The following CYP4Z1 variants were observed in gnomAD, a reference collection of about 807,000 sequenced individuals.
The protein encoded by CYP4Z1 is cytochrome P450 4Z1.
In CYP4Z1, 41 loss-of-function variants were observed where a neutral mutation model predicts 54.2. The ratio of observed to expected loss-of-function variants is 0.76; its 90% CI spans 0.59 to 0.98. The LOEUF is 0.98. CYP4Z1 is among the 50% of genes least tolerant of loss of function. The pLI, the probability that CYP4Z1 is intolerant of heterozygous loss-of-function variation, is 0.00. For missense variants in CYP4Z1, 513 were observed against 599.0 expected (o/e 0.86, Z 1.50); for synonymous variants, 163 against 206.2 (o/e 0.79, Z 1.79).
chr1:47,059,930 G>A, the CYP4Z1 span, among the ~76,000 whole-genome samples: 2 of 152,108 alleles, frequency 1.3e-5, no homozygotes, highest in African/African-American at 4.8e-5. Context: ...ATTATGTGAA[G>A]TCCAGGGCAC....
chr1:47,103,893 G>C (rs574814436), intron 8 of CYP4Z1, among the ~76,000 whole-genome samples: 1 of 118,982 alleles, frequency 8.4e-6, no homozygotes, highest in East Asian at 2.6e-3. Context: ...ACCACACCCA[G>C]CCTCAATATT....
intron 9 of CYP4Z1, 47 bp downstream of exon 9, chr1:47,106,308 T>A (rs747957580): frequency 2.1e-5 from 34 of 1,582,866 alleles, no homozygotes; most frequent in Non-Finnish European, 2.7e-5. Flanking sequence ...CTGTGCTGGA[T>A]TGAAATGTCT....
At chr1:47,099,058 C>G in intron 7 of CYP4Z1, 36 bp from the exon 8 acceptor site, 4 of 1,608,944 alleles carry the variant, frequency 2.5e-6, no homozygotes, top group Non-Finnish European at 3.4e-6. Context: ...CAATCCATAG[C>G]CAGCTTTGGA....
intron 11 of CYP4Z1, 54 bp from the exon 12 acceptor site, chr1:47,117,712 G>A: frequency 6.4e-7 from 1 of 1,550,458 alleles, no homozygotes; most frequent in Non-Finnish European, 8.7e-7. Flanking sequence ...GGCGTATGTT[G>A]TTAATAATAT....
chr1:47,085,047 G>C (rs1644582756), intron 6 of CYP4Z1, 69 bp downstream of exon 6: 1 of 630,332 alleles, frequency 1.6e-6, no homozygotes, highest in African/African-American at 1.9e-5. Context: ...ATTGACTCTG[G>C]TTATGGCTGC....
intron 8 of CYP4Z1, among the ~76,000 whole-genome samples, chr1:47,099,747 A>G (rs1429301960): frequency 1.3e-5 from 2 of 152,162 alleles, no homozygotes; most frequent in East Asian, 3.9e-4. Context: ...CCACCCCACA[A>G]TGATGATTAA....
At position 47,117,778 on chromosome 1, in the gene CYP4Z1, GC is replaced by G; in HGVS notation, c.1363del (p.Gln455SerfsTer5). The G allele has an allele frequency of 6.2e-7, 1 of 1,612,872 alleles. No individual in the cohort carries two copies. The highest frequency in any genetic ancestry group is 8.5e-7 in the Non-Finnish European group (1 of 1,179,438). On this transcript the variant is annotated frameshift_variant, in exon 12 of 12. Transcript: ENST00000334194. LOFTEE classifies it low-confidence loss of function (END_TRUNC). ...TTGGTATCCCCAGGAACTGCATTGG[GC>G]AGCATTTTGCCATAATTGAGTGTAA... The part of the protein sequence containing the change: ...FSAGLRNCIG[Q>X]HFAIIECKVA...
At chr1:47,065,189 GAT>G (rs1557618455), upstream of CYP4Z1, among the ~76,000 whole-genome samples, 1 of 152,084 alleles carries the variant, frequency 6.6e-6, no homozygotes, top group Non-Finnish European at 1.5e-5. Flanking sequence ...GGACTTAACA[GAT>G]ATTAACGAAC....
chr1:47,064,123 C>T (rs921626385), upstream of CYP4Z1, among the ~76,000 whole-genome samples: 1 of 140,232 alleles, frequency 7.1e-6, no homozygotes, highest in Non-Finnish European at 1.5e-5. Context: ...CACTCTGTTG[C>T]CCACACTGGA....
chr1:47,086,320 AG>A (rs1007074744), intron 6 of CYP4Z1, among the ~76,000 whole-genome samples: 1 of 152,190 alleles, frequency 6.6e-6, no homozygotes, highest in Non-Finnish European at 1.5e-5. Flanking sequence ...ACAGTGTAAA[AG>A]TGTTCCTATT....
chr1:47,066,133 C>A (rs1456944749), upstream of CYP4Z1, among the ~76,000 whole-genome samples: 1 of 151,996 alleles, frequency 6.6e-6, no homozygotes, highest in Non-Finnish European at 1.5e-5. Flanking sequence ...ATTCTATAGA[C>A]ACTATTCCAC....
At position 47,068,777 on chromosome 1, in the gene CYP4Z1, G is replaced by A. The variant is rs1311230543; in HGVS notation, c.319+14G>A. Reference sequence around the variant, plus strand: ...TGAAAAGACAAGGTAAAAACCAAGAGGGGCTCACAGTACAGAGCAGCAACA... The same window carrying A: ...TGAAAAGACAAGGTAAAAACCAAGAAGGGCTCACAGTACAGAGCAGCAACA... On this transcript the variant is annotated intron_variant, in intron 2 of 11. Coordinates refer to ENST00000334194, the MANE Select transcript of CYP4Z1 (RefSeq NM_178134.3). 8 of 1,613,382 alleles carry A rather than the reference G, an allele frequency of 5.0e-6. No homozygotes were observed. In the South Asian group the frequency reaches 8.8e-5, roughly 18 times the overall value.
intron 6 of CYP4Z1, among the ~76,000 whole-genome samples, chr1:47,091,898 G>C (rs560232957): frequency 6.7e-6 from 1 of 150,310 alleles, no homozygotes; most frequent in South Asian, 2.2e-4. Flanking sequence ...TGGGAAGAGG[G>C]GAGGCCTGGA....
In CYP4Z1 at chr1:47,099,233, G is replaced by C; in HGVS notation, c.1016G>C (p.Arg339Thr). The C allele has an allele frequency of 6.2e-7, 1 of 1,613,716 alleles. No homozygotes were observed. The highest frequency in any genetic ancestry group is 8.5e-7 in the Non-Finnish European group (1 of 1,179,890). ...GCAAAGTACCCTGAGCATCAGCAGA[G>C]ATGCCGAGATGAAATCAGGGAACTC... The part of the protein sequence containing the change: ...CLAKYPEHQQ[R>T]CRDEIRELLG... The change falls in exon 8 of 12, where the codon AGA becomes ACA. Residue 339 changes from arginine to threonine, a missense_variant. By Grantham distance (71) the Arg-to-Thr change is moderately conservative (BLOSUM62 -1). Coordinates refer to ENST00000334194, the MANE Select transcript of CYP4Z1 (RefSeq NM_178134.3).
intron 7 of CYP4Z1, among the ~76,000 whole-genome samples, chr1:47,097,820 A>ATT (rs35258883): frequency 0.3 from 38,778 of 128,210 alleles, 6,776 homozygotes; most frequent in East Asian, 0.74. Flanking sequence ...GTTCCATATG[A>ATT]TTTTTTTTTT....
intron 6 of CYP4Z1, among the ~76,000 whole-genome samples, chr1:47,089,602 T>C (rs1479296196): frequency 1.3e-5 from 2 of 152,250 alleles, no homozygotes; most frequent in Non-Finnish European, 2.9e-5. Context: ...CCTATAGTTA[T>C]CCCCATTAAC....
intron 8 of CYP4Z1, among the ~76,000 whole-genome samples, chr1:47,104,493 C>T (rs1419072322): frequency 6.6e-6 from 1 of 152,154 alleles, no homozygotes; most frequent in Non-Finnish European, 1.5e-5. Flanking sequence ...AGCTCTTGCG[C>T]ACCTAGGCAT....
chr1:47,057,304 G>A, the CYP4Z1 span, among the ~76,000 whole-genome samples: 1 of 114,678 alleles, frequency 8.7e-6, no homozygotes, highest in Admixed American at 1.1e-4. Flanking sequence ...TAGTCTGATG[G>A]GCTTCCCTTT....
At chr1:47,113,137 C>T (rs1302785459) in intron 9 of CYP4Z1, among the ~76,000 whole-genome samples, 2 of 152,214 alleles carry the variant, frequency 1.3e-5, no homozygotes, top group African/African-American at 4.8e-5. Flanking sequence ...ACAGGCTGAT[C>T]TATGGACACT....
Sources: gnomAD v4.1 joint callset for allele counts (sites outside exome capture counted in the v4.1 genomes callset) on GRCh38, gnomAD v4.1.1 for gene constraint, MANE v1.5 for transcripts, NCBI Gene and HGNC (gene_info 2026-07-23, HGNC 2026-07-21) for gene names.